Variants in TBC1D4 observed in about 807,000 individuals in gnomAD.
TBC1D4 encodes TBC (Tre-2, BUB2, CDC16) domain-containing protein.
Under a neutral mutation model 142.5 loss-of-function variants are expected in TBC1D4, and 121 were observed. The ratio of observed to expected loss-of-function variants is 0.85; its 90% CI spans 0.73 to 0.99. The LOEUF (loss-of-function observed/expected upper bound fraction) is 0.99. Among genes scored for constraint, TBC1D4 ranks in the 50% least tolerant of loss-of-function variants. The probability of loss-of-function intolerance (pLI) is 0.00; values close to 1 mark genes in which losing one functional copy is unlikely to be tolerated. For missense variants in TBC1D4, 1,475 were observed against 1,606.6 expected, an observed-to-expected ratio of 0.92 and a Z score of 1.40; for synonymous variants, 630 against 628.2, an observed-to-expected ratio of 1.00 and a Z score of -0.04.
At chr13:75,456,357 CA>C (rs1887734580) in intron 1 of TBC1D4, among the ~76,000 whole-genome samples, 1 of 152,048 alleles carries the variant, frequency 6.6e-6, no homozygotes, top group Admixed American at 6.6e-5. Context: ...TTCTATTTCT[CA>C]AAAGAGAATG....
chr13:75,332,920 G>C (rs528283719), intron 8 of TBC1D4, among the ~76,000 whole-genome samples: 1 of 152,188 alleles, frequency 6.6e-6, no homozygotes, highest in Admixed American at 6.5e-5. Context: ...ATGCTCTATT[G>C]CACAAGCATG....
At chr13:75,376,930 T>C (rs909906830) in intron 1 of TBC1D4, among the ~76,000 whole-genome samples, 4 of 152,218 alleles carry the variant, frequency 2.6e-5, no homozygotes, top group African/African-American at 9.6e-5. Flanking sequence ...GCACCACGTG[T>C]GTAACCAGCA....
chr13:75,354,708 G>A (rs1881897800), intron 4 of TBC1D4, among the ~76,000 whole-genome samples: 1 of 151,978 alleles, frequency 6.6e-6, no homozygotes, highest in Non-Finnish European at 1.5e-5. Context: ...GGGGAGCGGG[G>A]CATGTGTGGA....
chr13:75,450,362 C>T (rs1413912031), intron 1 of TBC1D4, among the ~76,000 whole-genome samples: 1 of 152,108 alleles, frequency 6.6e-6, no homozygotes, highest in Admixed American at 6.6e-5. Context: ...TTACTGTTGC[C>T]TTTTCATTTG....
At chr13:75,343,543 G>A (rs1880892142) in intron 5 of TBC1D4, among the ~76,000 whole-genome samples, 1 of 150,152 alleles carries the variant, frequency 6.7e-6, no homozygotes, top group Admixed American at 6.6e-5. Context: ...TTGAGATGGA[G>A]TTTCGCTCTC....
chr13:75,443,636 G>C lies in TBC1D4; in HGVS notation c.498+37634C>G, dbSNP rs556543835. ...CCGTGATTCTCAAAGAAAGAAAAAG[G>C]AAGAATGTCAATCCAAACTAACAGG... On this transcript the variant is annotated intron_variant, in intron 1 of 20. Coordinates refer to ENST00000377636, the MANE Select transcript of TBC1D4 (RefSeq NM_014832.5). Among the ~76,000 whole-genome samples the C allele has an allele frequency of 2.0e-5, 3 of 152,296 alleles. No homozygotes were observed. In the East Asian group the frequency reaches 5.8e-4, roughly 29 times the overall value.
At chr13:75,364,971 C>G (rs1466832201) in intron 1 of TBC1D4, among the ~76,000 whole-genome samples, 1 of 152,184 alleles carries the variant, frequency 6.6e-6, no homozygotes, top group Non-Finnish European at 1.5e-5. Flanking sequence ...CACATAAAGT[C>G]AATTCAACCT....
chr13:75,338,910 T>C (rs1283126345), intron 7 of TBC1D4, among the ~76,000 whole-genome samples: 1 of 152,212 alleles, frequency 6.6e-6, no homozygotes, highest in African/African-American at 2.4e-5. Flanking sequence ...CTCCCTTCCT[T>C]TACAGATTCT....
chr13:75,453,186 T>C (rs1443473351), intron 1 of TBC1D4, among the ~76,000 whole-genome samples: 1 of 151,808 alleles, frequency 6.6e-6, no homozygotes, highest in Non-Finnish European at 1.5e-5. Context: ...TTATAAATAG[T>C]ATAAATAAGA....
chr13:75,404,893 C>CA (rs1390737914), intron 1 of TBC1D4, among the ~76,000 whole-genome samples: 1 of 152,174 alleles, frequency 6.6e-6, no homozygotes, highest in Non-Finnish European at 1.5e-5. Context: ...GGGATGGTTA[C>CA]ACTTGCCCAC....
At chr13:75,453,407 C>T (rs912966543) in intron 1 of TBC1D4, among the ~76,000 whole-genome samples, 1 of 151,842 alleles carries the variant, frequency 6.6e-6, no homozygotes, top group Non-Finnish European at 1.5e-5. Context: ...AATTCTTCAC[C>T]GAGTCATGTT....
Position 75,481,786 on chromosome 13 carries a change from G to T in TBC1D4, c.-19C>A. 1 of 1,508,714 alleles carries T rather than the reference G, an allele frequency of 6.6e-7. No individual in the cohort carries two copies. The allele number at this position is 1,508,714 out of a possible 1,614,324, so 93.5% of individuals were successfully genotyped here. A position where few individuals can be genotyped will look rare whatever the true frequency, so the allele number is the denominator to read the frequency against. ...GCTCCATAACTCTCGCCTCACCAGG[G>T]CACCGCGGAGGCCGGCCGGGCGCAC... On this transcript the variant is annotated 5_prime_UTR_variant, in exon 1 of 21. Transcript: ENST00000377636.
At chr13:75,299,132 C>G (rs550374) in intron 17 of TBC1D4, among the ~76,000 whole-genome samples, 198 bp downstream of exon 17, 7,752 of 152,240 alleles carry the variant, frequency 0.051, 440 homozygotes, top group African/African-American at 0.13. Flanking sequence ...AGGTATTCTG[C>G]CTCTGGGTCT....
At chr13:75,302,534 T>C in intron 15 of TBC1D4, 133 bp from the exon 16 acceptor site, 1 of 1,010,320 alleles carries the variant, frequency 9.9e-7, no homozygotes, top group Non-Finnish European at 1.5e-6. Context: ...CCACACAATA[T>C]AATTGACAGA....
chr13:75,432,728 A>G (rs1886641565), intron 1 of TBC1D4, among the ~76,000 whole-genome samples: 1 of 152,218 alleles, frequency 6.6e-6, no homozygotes, highest in Non-Finnish European at 1.5e-5. Flanking sequence ...ACAACCATAC[A>G]TAAGATAGGT....
chr13:75,346,955 A>ACATTTAGAT (rs367751909), intron 5 of TBC1D4, among the ~76,000 whole-genome samples: 12 of 152,318 alleles, frequency 7.9e-5, no homozygotes, highest in Middle Eastern at 3.4e-3. Context: ...CCATTGATCG[A>ACATTTAGAT]CATTTAGATC....
Position 75,356,049 on chromosome 13 carries a change from T to C in TBC1D4, c.1275+98A>G, listed in dbSNP as rs1882015465. ...TTCTAGACGCCTTCTTCTTTTCCCA[T>C]AGATAGCCATATTGCAAGGCTTGGG... On this transcript the variant is annotated intron_variant, in intron 4 of 20. Coordinates refer to ENST00000377636, the MANE Select transcript of TBC1D4 (RefSeq NM_014832.5). 1.1e-5 allele frequency: 10 copies of C among 875,772 alleles called. No individual in the cohort carries two copies. In the South Asian group the frequency reaches 1.4e-4, roughly 12 times the overall value. 54.3% of individuals were successfully genotyped at this position (875,772 alleles called of 1,614,324 possible).
intron 1 of TBC1D4, among the ~76,000 whole-genome samples, chr13:75,462,212 C>A (rs17257310): frequency 0.086 from 13,094 of 152,124 alleles, 745 homozygotes; most frequent in Middle Eastern, 0.14. Context: ...CAACTATATA[C>A]ATGAAGGGCA....
chr13:75,367,400 C>A (rs1045123694), intron 1 of TBC1D4, among the ~76,000 whole-genome samples: 8 of 151,834 alleles, frequency 5.3e-5, no homozygotes, highest in Non-Finnish European at 1.0e-4. Flanking sequence ...GAATAAGCTT[C>A]CTAAAACATA....
Sources: gnomAD v4.1 joint callset for allele counts (sites outside exome capture counted in the v4.1 genomes callset) on GRCh38, gnomAD v4.1.1 for gene constraint, MANE v1.5 for transcripts, NCBI Gene and HGNC (gene_info 2026-07-23, HGNC 2026-07-21) for gene names.